The following CAVIN2 variants were observed in gnomAD, a reference collection of about 807,000 sequenced individuals.
CAVIN2 encodes the protein caveolae associated protein 2.
In CAVIN2, 13 loss-of-function variants were observed where a neutral mutation model predicts 11.7. The observed-to-expected ratio is 1.11, with a 90% confidence interval of 0.72 to 1.77. The LOEUF is 1.77. Among genes scored for constraint, CAVIN2 ranks in the 40% most tolerant of loss-of-function variants. The pLI is 0.00. For missense variants in CAVIN2, 549 were observed against 542.9 expected (o/e 1.01, Z -0.11); for synonymous variants, 237 against 223.2 (o/e 1.06, Z -0.55).
intron 1 of CAVIN2, among the ~76,000 whole-genome samples, chr2:191,841,323 C>T (rs1018009324): frequency 6.6e-6 from 1 of 152,106 alleles, no homozygotes; most frequent in African/African-American, 2.4e-5. Context: ...CCAAAGCACA[C>T]TGAATTATTT....
intron 1 of CAVIN2, among the ~76,000 whole-genome samples, chr2:191,843,000 A>G (rs1246205810): frequency 6.6e-6 from 1 of 152,220 alleles, no homozygotes; most frequent in East Asian, 1.9e-4. Flanking sequence ...CCTGACCAAC[A>G]TGGTGAAACC....
intron 1 of CAVIN2, among the ~76,000 whole-genome samples, chr2:191,844,575 C>A (rs1363346061): frequency 6.6e-6 from 1 of 152,122 alleles, no homozygotes; most frequent in African/African-American, 2.4e-5. Flanking sequence ...CCAGTTTGGT[C>A]TTGAGCACCC....
At chr2:191,845,191 A>T (rs1433135398) in intron 1 of CAVIN2, among the ~76,000 whole-genome samples, 2 of 152,248 alleles carry the variant, frequency 1.3e-5, no homozygotes, top group African/African-American at 4.8e-5. Context: ...TGCAAGGTAG[A>T]GGAGGACATA....
chr2:191,844,287 C>T (rs1015992401), intron 1 of CAVIN2, among the ~76,000 whole-genome samples: 4 of 152,194 alleles, frequency 2.6e-5, no homozygotes, highest in Non-Finnish European at 5.9e-5. Context: ...ATAATTACTA[C>T]TCTGGGGAAA....
intron 1 of CAVIN2, 78 bp from the exon 2 acceptor site, chr2:191,836,795 C>A: frequency 2.2e-6 from 3 of 1,351,326 alleles, no homozygotes; most frequent in Non-Finnish European, 2.0e-6. Flanking sequence ...ATACGTGTGT[C>A]TGTTTTGGAG....
In CAVIN2 at chr2:191,836,625, G is replaced by A. The variant is rs768456917; in HGVS notation, c.576C>T (p.Ser192=). ...CCACGGTGTGCAGGGTTTCCTCCAG[G>A]GATTTGTTTTCATCCGGAAGCTCCT... ...GKEELPDENK[S]LEETLHTVDL... Residue 192 remains serine, a synonymous_variant, in exon 2 of 2, where the codon TCC becomes TCT. Coordinates refer to ENST00000304141, the MANE Select transcript of CAVIN2 (RefSeq NM_004657.6). 9.3e-6 allele frequency: 15 copies of A among 1,613,940 alleles called. No individual in the cohort carries two copies. The highest frequency in any genetic ancestry group is 1.3e-5 in the African/African-American group (1 of 74,870).
Position 191,836,129 on chromosome 2 carries a change from T to C in CAVIN2, c.1072A>G (p.Lys358Glu). 8.7e-6 allele frequency: 14 copies of C among 1,614,206 alleles called. No individual in the cohort carries two copies. Among genetic ancestry groups the C allele is most frequent in the Non-Finnish European group, 1.2e-5 (14 of 1,180,040 alleles). The stretch of plus-strand genomic sequence containing the variant: ...GAGTTACTCCCCCTGGAGGTCGCCT[T>C]CTCAGCAGCCTCCTCTGCAATTTCC... ...EGEIAEEAAE[K>E]ATSRGSNSGM... Residue 358 changes from lysine (K) to glutamate (E), a missense_variant, in exon 2 of 2, where the codon AAG (lysine) becomes GAG (glutamate). Lys to Glu is a moderately conservative substitution (Grantham distance 56, BLOSUM62 1). Coordinates refer to ENST00000304141, the MANE Select transcript of CAVIN2 (RefSeq NM_004657.6).
rs1443717637 is a variant in CAVIN2, at chr2:191,836,238, A to G, written c.963T>C (p.Ser321=). ...CTTCCTGGTCATTTGGCATCTGCTC[A>G]CTGCTAGGCAGGTCTTCTGACTTGG... ...NETKSEDLPS[S]EQMPNDQEEE... The change falls in exon 2 of 2, where the codon AGT becomes AGC. Residue 321 remains serine (S), a synonymous_variant. Coordinates refer to ENST00000304141, the MANE Select transcript of CAVIN2 (RefSeq NM_004657.6). 6.8e-6 allele frequency: 11 copies of G among 1,613,862 alleles called. No homozygotes were observed. The highest frequency in any genetic ancestry group is 5.3e-5 in the African/African-American group (4 of 74,878).
In CAVIN2 at chr2:191,836,306, G is replaced by T; in HGVS notation, c.895C>A (p.Arg299=). Residue 299 remains arginine (R), a synonymous_variant, in exon 2 of 2, where the codon CGG becomes AGG. Transcript: ENST00000304141. ...CTTTCTCCCTCTCGGACTTTCTTCCGCCCGAAAGTGAGGGGAGAAACCTTG... is the reference window on the plus strand; with the variant it reads ...CTTTCTCCCTCTCGGACTTTCTTCCTCCCGAAAGTGAGGGGAGAAACCTTG... The part of the protein sequence containing the change: ...PFKVSPLTFG[R]KKVREGESHA... 1.2e-6 allele frequency: 2 copies of T among 1,613,998 alleles called. No individual in the cohort carries two copies. The highest frequency in any genetic ancestry group is 1.3e-5 in the African/African-American group (1 of 75,008).
intron 1 of CAVIN2, 116 bp from the exon 2 acceptor site, chr2:191,836,833 T>C: frequency 9.8e-7 from 1 of 1,018,442 alleles, no homozygotes; most frequent in Non-Finnish European, 1.4e-6. Flanking sequence ...AAACAAATGT[T>C]TGTGGCTTGA....
In CAVIN2 at chr2:191,834,503, A is replaced by G. The variant is rs1458530033; in HGVS notation, c.*1420T>C. On this transcript the variant is annotated 3_prime_UTR_variant, in exon 2 of 2. Coordinates refer to ENST00000304141, the MANE Select transcript of CAVIN2 (RefSeq NM_004657.6). ...GTTAATATTGTCTTGGATTAACTCT[A>G]TTTGTAAGGTTACTTATAGTGGTTC... The G allele has an allele frequency of 6.6e-6, 1 of 152,154 alleles. No homozygotes were observed. Among genetic ancestry groups the G allele is most frequent in the Non-Finnish European group, 1.5e-5 (1 of 68,000 alleles). 9.4% of individuals were successfully genotyped at this position (152,154 alleles called of 1,614,324 possible).
intron 1 of CAVIN2, among the ~76,000 whole-genome samples, chr2:191,839,550 G>A (rs1205704493): frequency 1.3e-5 from 2 of 152,174 alleles, no homozygotes; most frequent in Non-Finnish European, 2.9e-5. Context: ...GGTATTGGGG[G>A]AAGGTAGGAA....
At chr2:191,843,678 AAGAT>A (rs941600515) in intron 1 of CAVIN2, among the ~76,000 whole-genome samples, 4 of 152,186 alleles carry the variant, frequency 2.6e-5, no homozygotes, top group Admixed American at 2.6e-4. Context: ...GAGCTGTTTT[AAGAT>A]CCTGGGCAAG....
In CAVIN2 at chr2:191,836,100, C is replaced by T; in HGVS notation, c.1101G>A (p.Gly367=). The change falls in exon 2 of 2, where the codon GGG becomes GGA. Residue 367 remains glycine, a synonymous_variant. Transcript: ENST00000304141. ...EKATSRGSNS[G]MDSNIDLTIV... is the part of the protein sequence containing the mutation. Reference sequence around the variant, plus strand: ...TAGTCAAGTCGATGTTGCTGTCCATCCCCGAGTTACTCCCCCTGGAGGTCG... The same window carrying T: ...TAGTCAAGTCGATGTTGCTGTCCATTCCCGAGTTACTCCCCCTGGAGGTCG... 4.3e-6 allele frequency: 7 copies of T among 1,614,234 alleles called. No homozygotes were observed. Among genetic ancestry groups the T allele is most frequent in the South Asian group, 1.1e-5 (1 of 91,070 alleles).
chr2:191,836,041 A>G lies in CAVIN2; in HGVS notation c.1160T>C (p.Leu387Pro), dbSNP rs147164388. 1.4e-5 allele frequency: 22 copies of G among 1,614,078 alleles called. No individual in the cohort carries two copies. Among genetic ancestry groups the G allele is most frequent in the Non-Finnish European group, 1.8e-5 (21 of 1,180,046 alleles). Residue 387 changes from leucine to proline, a missense_variant, in exon 2 of 2, where the codon CTG (leucine) becomes CCG (proline). Transcript: ENST00000304141. ...ATAGCGTACCTTCTGTGCCTGTTCC[A>G]GGGCCACTGACTCCTCCTCTTCATC... The part of the protein sequence containing the change: ...VEDEEEESVA[L>P]EQAQKVRYEG...
chr2:191,835,601 A>T lies in CAVIN2; in HGVS notation c.*322T>A. 1 of 292,452 alleles carries T rather than the reference A, an allele frequency of 3.4e-6. No individual in the cohort carries two copies. The highest frequency in any genetic ancestry group is 6.0e-5 in the East Asian group (1 of 16,770). The allele number at this position is 292,452 out of a possible 1,614,324, so 18.1% of individuals were successfully genotyped here. ...GACAAAAAAGAATGAATCACTTTTC[A>T]TGACTAGTATCTTAATTATCCTCTG... On this transcript the variant is annotated 3_prime_UTR_variant, in exon 2 of 2. Transcript: ENST00000304141.
rs907955611 is a variant in CAVIN2, at chr2:191,846,975, G to C, written c.-50C>G. The C allele has an allele frequency of 5.8e-6, 9 of 1,545,360 alleles. No individual in the cohort carries two copies. The highest frequency in any genetic ancestry group is 7.8e-6 in the Non-Finnish European group (9 of 1,153,090). On this transcript the variant is annotated 5_prime_UTR_variant, in exon 1 of 2. Coordinates refer to ENST00000304141, the MANE Select transcript of CAVIN2 (RefSeq NM_004657.6). ...TCTCTCTGGGAGCTGCTTCTTGCTCGGGTGAGAAGTTGCGGTGGTGAGGGT... is the reference window on the plus strand; with the variant it reads ...TCTCTCTGGGAGCTGCTTCTTGCTCCGGTGAGAAGTTGCGGTGGTGAGGGT...
At position 191,846,871 on chromosome 2, in the gene CAVIN2, G is replaced by T. The variant is rs1457544223; in HGVS notation, c.55C>A (p.Arg19=). 4 of 1,613,866 alleles carry T rather than the reference G, an allele frequency of 2.5e-6. No homozygotes were observed. The highest frequency in any genetic ancestry group is 8.5e-7 in the Non-Finnish European group (1 of 1,179,976). The stretch of plus-strand genomic sequence containing the variant: ...CTGGGGCTCGAGGGCTTTTCCTGCC[G>T]CATGTCAGACCCAGGGTGCTGGAAC... ...EKFQHPGSDM[R]QEKPSSPSPM... is the part of the protein sequence containing the mutation. The change falls in exon 1 of 2, where the codon CGG becomes AGG. Residue 19 remains arginine (R), a synonymous_variant. Transcript: ENST00000304141.
Position 191,836,054 on chromosome 2 carries a change from C to A in CAVIN2, c.1147G>T (p.Glu383Ter). The A allele has an allele frequency of 6.2e-7, 1 of 1,614,216 alleles. No individual in the cohort carries two copies. Among genetic ancestry groups the A allele is most frequent in the Non-Finnish European group, 8.5e-7 (1 of 1,180,030 alleles). ...DLTIVEDEEE[E>*]SVALEQAQKV... ...TGTGCCTGTTCCAGGGCCACTGACT[C>A]CTCCTCTTCATCTTCCACAATAGTC... The change falls in exon 2 of 2, where the codon GAG becomes TAG. Residue 383 changes from glutamate (E) to a stop codon, truncating the protein, a stop_gained. Transcript: ENST00000304141. LOFTEE classifies it low-confidence loss of function (END_TRUNC).
Sources: allele counts gnomAD v4.1 joint callset (sites outside exome capture counted in the v4.1 genomes callset), GRCh38; gene constraint gnomAD v4.1.1; transcripts MANE v1.5; gene names NCBI Gene and HGNC (gene_info 2026-07-23, HGNC 2026-07-21).